The following STX7 variants were observed in gnomAD, a reference collection of about 807,000 sequenced individuals.
STX7 encodes the protein syntaxin-7.
STX7 carries 34 observed loss-of-function variants against 39.6 expected under a neutral mutation model. The ratio of observed to expected loss-of-function variants is 0.86; its 90% CI spans 0.65 to 1.14. The LOEUF (loss-of-function observed/expected upper bound fraction) is 1.14, where lower values mean the gene tolerates loss of function less well. STX7 is among the 50% of genes most tolerant of loss of function. The probability of loss-of-function intolerance (pLI) is 0.00; values close to 1 mark genes in which losing one functional copy is unlikely to be tolerated. For synonymous variants in STX7, 119 were observed against 99.1 expected (o/e 1.20, Z -1.19); for missense variants, 284 against 310.4 (o/e 0.92, Z 0.64).
intron 2 of STX7, among the ~76,000 whole-genome samples, chr6:132,480,932 A>G (rs1775001079): frequency 6.6e-6 from 1 of 152,142 alleles, no homozygotes; most frequent in Admixed American, 6.5e-5. Context: ...CTCCACTGTT[A>G]TATATAGAAT....
intron 2 of STX7, among the ~76,000 whole-genome samples, chr6:132,495,933 A>G (rs948853405): frequency 2.0e-5 from 3 of 152,342 alleles, no homozygotes; most frequent in African/African-American, 7.2e-5. Flanking sequence ...TCGATTTTAA[A>G]CTAAAGTCTA....
intron 2 of STX7, among the ~76,000 whole-genome samples, chr6:132,476,393 G>A (rs1397640139): frequency 1.3e-5 from 2 of 152,088 alleles, no homozygotes; most frequent in African/African-American, 2.4e-5. Context: ...AGTCTAGACT[G>A]TGGGACAATC....
rs184673741 is a variant in STX7, at chr6:132,481,207, A to G, written c.86-5545T>C. Among the ~76,000 whole-genome samples, 8 of 152,342 alleles carry G rather than the reference A, an allele frequency of 5.3e-5. No homozygotes were observed. In the East Asian group the frequency reaches 1.5e-3, roughly 29 times the overall value. ...AGGAGGCGTGTTCACTGTAGAAAAC[A>G]AAAGGGATAAATTATAGTGAAATTT... On this transcript the variant is annotated intron_variant, in intron 2 of 9. Transcript: ENST00000367941.
At chr6:132,471,297 C>G (rs1201978285) in intron 5 of STX7, among the ~76,000 whole-genome samples, 166 bp downstream of exon 5, 1 of 152,176 alleles carries the variant, frequency 6.6e-6, no homozygotes, top group Non-Finnish European at 1.5e-5. Flanking sequence ...AAATTATCAT[C>G]CTTTTCTAAA....
Position 132,456,405 on chromosome 6 carries a change from A to C in STX7, c.*4353T>G, listed in dbSNP as rs1009806533. ...CTTTTTATATGCCAAATAACAAAAC[A>C]TAAACTCCCTGAGGGCAGGAAGCTT... On this transcript the variant is annotated 3_prime_UTR_variant, in exon 10 of 10. Coordinates refer to ENST00000367941, the MANE Select transcript of STX7 (RefSeq NM_003569.3). The C allele has an allele frequency of 6.6e-6, 1 of 152,218 alleles. No homozygotes were observed. Among genetic ancestry groups the C allele is most frequent in the African/African-American group, 2.4e-5 (1 of 41,436 alleles). The allele number at this position is 152,218 out of a possible 1,614,324, so 9.4% of individuals were successfully genotyped here.
chr6:132,482,538 C>T (rs897010880), intron 2 of STX7, among the ~76,000 whole-genome samples: 1 of 152,106 alleles, frequency 6.6e-6, no homozygotes, highest in Non-Finnish European at 1.5e-5. Context: ...ATGTAGATTT[C>T]TTGGTTTTCA....
At chr6:132,495,607 G>C (rs1775403276) in intron 2 of STX7, among the ~76,000 whole-genome samples, 1 of 151,646 alleles carries the variant, frequency 6.6e-6, no homozygotes, top group South Asian at 2.1e-4. Flanking sequence ...AATTTCTCAG[G>C]ACTGGAGCTC....
intron 2 of STX7, among the ~76,000 whole-genome samples, chr6:132,500,275 C>G (rs948673469): frequency 6.6e-6 from 1 of 152,104 alleles, no homozygotes; most frequent in Non-Finnish European, 1.5e-5. Context: ...TCTAAACTTC[C>G]TGAACCACCT....
At chr6:132,511,339 GT>G (rs1775842712) in intron 1 of STX7, among the ~76,000 whole-genome samples, 1 of 152,114 alleles carries the variant, frequency 6.6e-6, no homozygotes, top group Admixed American at 6.5e-5. Context: ...TGATCTCCAC[GT>G]GACTGGCTCC....
intron 2 of STX7, among the ~76,000 whole-genome samples, chr6:132,496,336 T>C (rs902346524): frequency 6.6e-6 from 1 of 152,186 alleles, no homozygotes; most frequent in Admixed American, 6.5e-5. Context: ...ATTTAGGAGT[T>C]AGGGAAATTT....
At chr6:132,462,971 C>T (rs1774448983) in intron 9 of STX7, among the ~76,000 whole-genome samples, 1 of 152,122 alleles carries the variant, frequency 6.6e-6, no homozygotes, top group African/African-American at 2.4e-5. Context: ...TCTGTAATCT[C>T]AGCACTTTGG....
Position 132,459,452 on chromosome 6 carries a change from A to G in STX7, c.*1306T>C, listed in dbSNP as rs1774331313. On this transcript the variant is annotated 3_prime_UTR_variant, in exon 10 of 10. Transcript: ENST00000367941. ...CTGAGGTTTCAGGCAGCACAGCACT[A>G]AGTATCAGGTGACCTGTGGTCCCAC... is the stretch of plus-strand genomic sequence containing the variant. 1 of 152,216 alleles carries G rather than the reference A, an allele frequency of 6.6e-6. No individual in the cohort carries two copies. Among genetic ancestry groups the G allele is most frequent in the African/African-American group, 2.4e-5 (1 of 41,460 alleles). 9.4% of individuals were successfully genotyped at this position (152,216 alleles called of 1,614,324 possible).
rs952001843 is a variant in STX7, at chr6:132,448,053, T to C, written c.*12705A>G. The stretch of plus-strand genomic sequence containing the variant: ...TTAAAGGTTATCTGAAAATTTTCTG[T>C]TAAGTACTTAGATTAACAACATCTA... On this transcript the variant is annotated 3_prime_UTR_variant, in exon 10 of 10. Coordinates refer to ENST00000367941, the MANE Select transcript of STX7 (RefSeq NM_003569.3). 2.6e-5 allele frequency: 4 copies of C among 152,142 alleles called. No individual in the cohort carries two copies. Among genetic ancestry groups the C allele is most frequent in the Admixed American group, 1.3e-4 (2 of 15,260 alleles). 9.4% of individuals were successfully genotyped at this position (152,142 alleles called of 1,614,324 possible). A position where few individuals can be genotyped will look rare whatever the true frequency, so the allele number is the denominator to read the frequency against.
rs753333223 is a variant in STX7 at position 132,464,087 on chromosome 6, A to AAC, written c.611-14_611-13dup. On this transcript the variant is annotated splice_polypyrimidine_tract_variant and intron_variant, in intron 8 of 9. Coordinates refer to ENST00000367941, the MANE Select transcript of STX7 (RefSeq NM_003569.3). ...GGCTTCTATGCTATCTGTAAAATAA[A>AAC]ACACACACACACAAATGTGTTAAAC... 2.6e-5 allele frequency: 41 copies of AAC among 1,603,894 alleles called. No individual in the cohort carries two copies. Among genetic ancestry groups the AAC allele is most frequent in the South Asian group, 1.8e-4 (16 of 90,664 alleles).
At position 132,452,578 on chromosome 6, in the gene STX7, G is replaced by A. The variant is rs1444545940; in HGVS notation, c.*8180C>T. Reference sequence around the variant, plus strand: ...ATAGAAAAATTCACTTTATTTCTATGTACTTAGAATAGACATGTGAACAGG... The same window carrying A: ...ATAGAAAAATTCACTTTATTTCTATATACTTAGAATAGACATGTGAACAGG... On this transcript the variant is annotated 3_prime_UTR_variant, in exon 10 of 10. Transcript: ENST00000367941. 6.6e-6 allele frequency: 1 copy of A among 152,048 alleles called. No homozygotes were observed. Among genetic ancestry groups the A allele is most frequent in the Non-Finnish European group, 1.5e-5 (1 of 67,938 alleles). The allele number at this position is 152,048 out of a possible 1,614,324, so 9.4% of individuals were successfully genotyped here. A position where few individuals can be genotyped will look rare whatever the true frequency, so the allele number is the denominator to read the frequency against.
intron 8 of STX7, among the ~76,000 whole-genome samples, 179 bp from the exon 9 acceptor site, chr6:132,464,254 C>A (rs566335695): frequency 6.6e-6 from 1 of 152,146 alleles, no homozygotes; most frequent in Admixed American, 6.6e-5. Flanking sequence ...TACACCTATA[C>A]TATTTTTCAG....
At chr6:132,512,602 A>T (rs2114497546) in intron 1 of STX7, among the ~76,000 whole-genome samples, 1 of 152,284 alleles carries the variant, frequency 6.6e-6, no homozygotes, top group African/African-American at 2.4e-5. Context: ...TCAATCCGTG[A>T]GTTGAAAAGA....
chr6:132,487,556 G>A (rs189644104), intron 2 of STX7, among the ~76,000 whole-genome samples: 6 of 152,242 alleles, frequency 3.9e-5, no homozygotes, highest in Admixed American at 2.6e-4. Context: ...TGATGGGTTA[G>A]TAGGTGCAGC....
intron 2 of STX7, among the ~76,000 whole-genome samples, chr6:132,502,907 A>AG (rs1775612075): frequency 6.6e-6 from 1 of 152,150 alleles, no homozygotes; most frequent in African/African-American, 2.4e-5. Context: ...TAAAAAAAAA[A>AG]AAGAATATGT....
Sources: gnomAD v4.1 joint callset for allele counts (sites outside exome capture counted in the v4.1 genomes callset) on GRCh38, gnomAD v4.1.1 for gene constraint, MANE v1.5 for transcripts, NCBI Gene and HGNC (gene_info 2026-07-23, HGNC 2026-07-21) for gene names.